The following ROBO2 variants were observed in gnomAD, a reference collection of about 807,000 sequenced individuals.
ROBO2 encodes the protein roundabout homolog 2.
In ROBO2, 53 loss-of-function variants were observed where a neutral mutation model predicts 160.8. That is an observed-to-expected ratio of 0.33 (90% CI 0.26 to 0.41). The LOEUF (loss-of-function observed/expected upper bound fraction) is 0.41. Ranked by LOEUF, ROBO2 falls within the 10% of genes least tolerant of loss-of-function variation. The pLI is 1.00. For synonymous variants in ROBO2, 664 were observed against 611.7 expected (o/e 1.09, Z -1.26); for missense variants, 1,577 against 1,722.4 (o/e 0.92, Z 1.49).
chr3:77,568,241 A>G (rs2093544306), intron 12 of ROBO2, 72 bp from the exon 14 acceptor site: 1 of 1,553,474 alleles, frequency 6.4e-7, no homozygotes. Flanking sequence ...CATGAGGTTG[A>G]TTTACATAAA....
intron 2 of ROBO2, among the ~76,000 whole-genome samples, chr3:75,984,541 A>G (rs186681581): frequency 4.0e-5 from 6 of 151,630 alleles, no homozygotes; most frequent in African/African-American, 1.4e-4. Context: ...TTTGTAGCAT[A>G]AATTTAAATT....
intron 2 of ROBO2, among the ~76,000 whole-genome samples, chr3:75,970,666 A>T (rs2064966627): frequency 6.6e-6 from 1 of 151,548 alleles, no homozygotes; most frequent in African/African-American, 2.4e-5. Flanking sequence ...TTCACTGTGC[A>T]ATCTTTAATC....
At chr3:76,328,675 A>C (rs997522643) in intron 2 of ROBO2, among the ~76,000 whole-genome samples, 4 of 151,884 alleles carry the variant, frequency 2.6e-5, no homozygotes, top group African/African-American at 9.7e-5. Flanking sequence ...CCTGGCTAAC[A>C]CGGTGAAACC....
intron 2 of ROBO2, among the ~76,000 whole-genome samples, chr3:76,065,686 T>C (rs1450347529): frequency 6.7e-6 from 1 of 148,252 alleles, no homozygotes; most frequent in African/African-American, 2.5e-5. Context: ...CAGCCTGATA[T>C]GGGTTTTCAT....
intron 2 of ROBO2, among the ~76,000 whole-genome samples, chr3:76,695,356 T>C (rs1335857014): frequency 1.3e-5 from 2 of 152,166 alleles, no homozygotes; most frequent in African/African-American, 2.4e-5. Flanking sequence ...ACTAAAATTG[T>C]TTGTTTCTTA....
chr3:77,514,314 A>C lies in ROBO2; in HGVS notation c.807-8461A>C, dbSNP rs551709557. ...ATTTTAAAGGAAATATACATCAGGAAAAACATTTATGAACCTCCCAGGGTT... is the reference window on the plus strand; with the variant it reads ...ATTTTAAAGGAAATATACATCAGGACAAACATTTATGAACCTCCCAGGGTT... On this transcript the variant is annotated intron_variant, in intron 5 of 25. Transcript: ENST00000461745. Among the ~76,000 whole-genome samples the C allele has an allele frequency of 8.4e-4, 128 of 151,920 alleles. 2 individuals carry two copies. Among genetic ancestry groups the C allele is most frequent in the Non-Finnish European group, 2.1e-4 (14 of 67,838 alleles).
chr3:76,240,481 G>A (rs2107512304), intron 2 of ROBO2, among the ~76,000 whole-genome samples: 1 of 152,256 alleles, frequency 6.6e-6, no homozygotes, highest in East Asian at 1.9e-4. Context: ...AGTATATTAA[G>A]TAAATTATTT....
intron 2 of ROBO2, among the ~76,000 whole-genome samples, chr3:76,912,760 C>T (rs1477003586): frequency 6.6e-6 from 1 of 151,982 alleles, no homozygotes; most frequent in Non-Finnish European, 1.5e-5. Flanking sequence ...GTTAATTAGG[C>T]AATGTGTATT....
intron 12 of ROBO2, 118 bp from the exon 14 acceptor site, chr3:77,568,195 G>A: frequency 1.8e-6 from 2 of 1,126,012 alleles, no homozygotes; most frequent in Non-Finnish European, 2.6e-6. Flanking sequence ...TCACAAGAGA[G>A]TTTTCGTTTT....
At chr3:75,926,527 A>T (rs1947299342) in intron 1 of ROBO2, among the ~76,000 whole-genome samples, 1 of 152,286 alleles carries the variant, frequency 6.6e-6, no homozygotes, top group Admixed American at 6.5e-5. Flanking sequence ...CTAATTTCCT[A>T]AGTCTTCTTT....
At chr3:77,087,205 C>G (rs1578845945) in intron 1 of ROBO2, among the ~76,000 whole-genome samples, 1 of 152,148 alleles carries the variant, frequency 6.6e-6, no homozygotes, top group East Asian at 1.9e-4. Flanking sequence ...TCTGGAGACA[C>G]ACTCATAGTC....
chr3:76,758,185 A>C (rs1462272158), intron 2 of ROBO2, among the ~76,000 whole-genome samples: 1 of 151,886 alleles, frequency 6.6e-6, no homozygotes, highest in East Asian at 1.9e-4. Flanking sequence ...CAAGGAAAAT[A>C]GGTAATTTTG....
intron 2 of ROBO2, among the ~76,000 whole-genome samples, chr3:76,215,754 G>T (rs976558323): frequency 2.0e-5 from 3 of 152,272 alleles, no homozygotes; most frequent in East Asian, 3.9e-4. Flanking sequence ...TTATCCAGGA[G>T]AACTTCCCCA....
chr3:77,473,630 G>C (rs1446546140), intron 2 of ROBO2, among the ~76,000 whole-genome samples: 1 of 151,232 alleles, frequency 6.6e-6, no homozygotes, highest in East Asian at 2.0e-4. Flanking sequence ...ATTTTTTTTG[G>C]TATTTTTAGT....
chr3:77,026,863 C>T (rs2063000684), intron 2 of ROBO2, among the ~76,000 whole-genome samples: 1 of 152,168 alleles, frequency 6.6e-6, no homozygotes, highest in African/African-American at 2.4e-5. Flanking sequence ...ACCATTGTAA[C>T]TTCTCGTACC....
At chr3:77,202,081 T>A (rs1189081733) in intron 2 of ROBO2, among the ~76,000 whole-genome samples, 1 of 152,164 alleles carries the variant, frequency 6.6e-6, no homozygotes, top group Admixed American at 6.6e-5. Context: ...AAGCAATAGC[T>A]TTAATTCCTG....
At chr3:77,246,112 A>G (rs1316655175) in intron 2 of ROBO2, among the ~76,000 whole-genome samples, 1 of 152,204 alleles carries the variant, frequency 6.6e-6, no homozygotes, top group Non-Finnish European at 1.5e-5. Context: ...GACAAAATCA[A>G]TAATTTGTAG....
At chr3:76,985,410 A>G (rs966506809) in intron 2 of ROBO2, among the ~76,000 whole-genome samples, 4 of 151,312 alleles carry the variant, frequency 2.6e-5, no homozygotes, top group Non-Finnish European at 5.9e-5. Flanking sequence ...GTGAAACCCC[A>G]TCTCTACTAA....
At chr3:76,008,064 A>G (rs1043193122) in intron 2 of ROBO2, among the ~76,000 whole-genome samples, 1 of 151,602 alleles carries the variant, frequency 6.6e-6, no homozygotes, top group Admixed American at 6.6e-5. Context: ...TGAAACCCCA[A>G]CTCTACTAAA....
Sources: gnomAD v4.1 joint callset for allele counts (sites outside exome capture counted in the v4.1 genomes callset) on GRCh38, gnomAD v4.1.1 for gene constraint, MANE v1.5 for transcripts, NCBI Gene and HGNC (gene_info 2026-07-23, HGNC 2026-07-21) for gene names.